The following SEPTIN7 variants were observed in gnomAD, a reference collection of about 807,000 sequenced individuals.
SEPTIN7 encodes the protein septin 7, also known as septin-7.
Under a neutral mutation model 63.3 loss-of-function variants are expected in SEPTIN7, and 10 were observed. The ratio of observed to expected loss-of-function variants is 0.16; its 90% confidence interval spans 0.10 to 0.27. The LOEUF is 0.27. Among genes scored for constraint, SEPTIN7 ranks in the 10% least tolerant of loss-of-function variants. The probability of loss-of-function intolerance (pLI) is 1.00; values close to 1 mark genes in which losing one functional copy is unlikely to be tolerated. For missense variants in SEPTIN7, 310 were observed against 521.0 expected (o/e 0.59, Z 3.94); for synonymous variants, 131 against 165.3 (o/e 0.79, Z 1.59).
intron 1 of SEPTIN7, among the ~76,000 whole-genome samples, chr7:35,811,601 G>A (rs749145155): frequency 1.3e-5 from 2 of 152,122 alleles, no homozygotes; most frequent in South Asian, 4.1e-4. Context: ...TTATTAAGAG[G>A]CGGGCATGGT....
intron 1 of SEPTIN7, among the ~76,000 whole-genome samples, chr7:35,821,977 G>A (rs1199180961): frequency 4.6e-5 from 7 of 152,096 alleles, no homozygotes; most frequent in African/African-American, 1.7e-4. Flanking sequence ...CACTATGTTG[G>A]CAAGGCTGGT....
chr7:35,839,805 G>A (rs541825544), intron 3 of SEPTIN7, among the ~76,000 whole-genome samples: 3 of 152,086 alleles, frequency 2.0e-5, no homozygotes, highest in African/African-American at 7.2e-5. Context: ...CACTTGCCTC[G>A]GCCTCCCAAA....
At chr7:35,868,381 G>C (rs1785943960) in intron 4 of SEPTIN7, among the ~76,000 whole-genome samples, 1 of 152,166 alleles carries the variant, frequency 6.6e-6, no homozygotes, top group Non-Finnish European at 1.5e-5. Flanking sequence ...ATATTTGAAT[G>C]CTTGTCTTAA....
chr7:35,840,320 A>G (rs1310540617), intron 3 of SEPTIN7, among the ~76,000 whole-genome samples: 1 of 147,028 alleles, frequency 6.8e-6, no homozygotes, highest in Non-Finnish European at 1.5e-5. Context: ...GCCCAGTGGT[A>G]TAATCAGAGC....
chr7:35,822,068 C>T (rs1789450745), intron 1 of SEPTIN7, among the ~76,000 whole-genome samples: 1 of 151,912 alleles, frequency 6.6e-6, no homozygotes, highest in South Asian at 2.1e-4. Context: ...AGCCACCACA[C>T]CTGGCCTCAT....
In SEPTIN7 at chr7:35,873,563, C is replaced by T. The variant is rs117768899; in HGVS notation, c.378-78C>T. On this transcript the variant is annotated intron_variant, in intron 5 of 13. Transcript: ENST00000350320. ...AATTCATTTTGCCCATTTGAAAATA[C>T]TGATTATTGTCCTTTAACAGTCATC... The T allele has an allele frequency of 3.7e-4, 517 of 1,392,830 alleles. 5 individuals carry two copies. The East Asian group carries it at 8.9e-3, about 24-fold the overall frequency. The allele number at this position is 1,392,830 out of a possible 1,614,324, so 86.3% of individuals were successfully genotyped here.
At chr7:35,836,590 G>A (rs1312038292) in intron 3 of SEPTIN7, among the ~76,000 whole-genome samples, 1 of 151,854 alleles carries the variant, frequency 6.6e-6, no homozygotes, top group Non-Finnish European at 1.5e-5. Flanking sequence ...TGTTGGTTTG[G>A]CCATTTTTTG....
At chr7:35,881,939 A>G (rs182107455) in intron 7 of SEPTIN7, among the ~76,000 whole-genome samples, 1 of 151,932 alleles carries the variant, frequency 6.6e-6, no homozygotes, top group Non-Finnish European at 1.5e-5. Context: ...GTCCTTCCCT[A>G]ATCTTACACC....
intron 3 of SEPTIN7, among the ~76,000 whole-genome samples, chr7:35,859,180 G>C (rs56287072): frequency 6.6e-6 from 1 of 151,712 alleles, no homozygotes; most frequent in Non-Finnish European, 1.5e-5. Flanking sequence ...TCTGTATTCC[G>C]TAAGTTTCGG....
chr7:35,897,535 T>G (rs1005900155), intron 11 of SEPTIN7, among the ~76,000 whole-genome samples: 7 of 152,294 alleles, frequency 4.6e-5, no homozygotes, highest in Admixed American at 1.3e-4. Flanking sequence ...TAACTATGCT[T>G]ATGTCTATTT....
At chr7:35,801,565 G>T (rs968414884) in intron 1 of SEPTIN7, among the ~76,000 whole-genome samples, 3 of 152,058 alleles carry the variant, frequency 2.0e-5, no homozygotes, top group Admixed American at 6.5e-5. Context: ...GGCCGGAGCA[G>T]CCTGAGCGTG....
At chr7:35,813,159 C>T (rs1788836060) in intron 1 of SEPTIN7, among the ~76,000 whole-genome samples, 1 of 152,030 alleles carries the variant, frequency 6.6e-6, no homozygotes, top group Non-Finnish European at 1.5e-5. Context: ...AGATGTTATC[C>T]CAATCTAAGG....
downstream of SEPTIN7, among the ~76,000 whole-genome samples, chr7:35,908,842 AAACT>A (rs1298199769): frequency 6.6e-6 from 1 of 152,216 alleles, no homozygotes; most frequent in Non-Finnish European, 1.5e-5. Flanking sequence ...TGGGGATACC[AAACT>A]AACTTGTTCT....
chr7:35,881,847 A>C (rs1262428691), intron 7 of SEPTIN7, among the ~76,000 whole-genome samples: 1 of 151,984 alleles, frequency 6.6e-6, no homozygotes, highest in African/African-American at 2.4e-5. Flanking sequence ...TGATGTTAAT[A>C]ATAAGTTGTC....
intron 10 of SEPTIN7, among the ~76,000 whole-genome samples, chr7:35,889,464 G>T (rs1439773890): frequency 6.6e-6 from 1 of 152,330 alleles, no homozygotes; most frequent in South Asian, 2.1e-4. Context: ...GTTCCCAAAG[G>T]GGGAGATTCA....
In SEPTIN7 at chr7:35,904,329, C is replaced by T; in HGVS notation, c.*36C>T. The T allele has an allele frequency of 6.6e-7, 1 of 1,509,066 alleles. No individual in the cohort carries two copies. The highest frequency in any genetic ancestry group is 8.9e-7 in the Non-Finnish European group (1 of 1,119,336). The allele number at this position is 1,509,066 out of a possible 1,614,324, so 93.5% of individuals were successfully genotyped here. ...GACCACCAGTTAACGTATTAGTTGC[C>T]AATATGCCAGCTTGGACATCAGTGT... is the stretch of plus-strand genomic sequence containing the variant. On this transcript the variant is annotated 3_prime_UTR_variant, in exon 14 of 14. Transcript: ENST00000350320.
intron 3 of SEPTIN7, among the ~76,000 whole-genome samples, chr7:35,849,769 A>G (rs1784872397): frequency 6.6e-6 from 1 of 152,120 alleles, no homozygotes. Context: ...ACACAAAACT[A>G]CTTTTATTAA....
chr7:35,828,685 G>A (rs116084554), intron 1 of SEPTIN7, among the ~76,000 whole-genome samples: 240 of 152,120 alleles, frequency 1.6e-3, no homozygotes, highest in African/African-American at 5.6e-3. Context: ...CCGACCTCCT[G>A]TTTATCTATA....
intron 13 of SEPTIN7, 121 bp from the exon 14 acceptor site, chr7:35,904,133 G>T: frequency 1.7e-6 from 1 of 592,254 alleles, no homozygotes. Context: ...ATTTTTTTCA[G>T]TGAAAAAGTA....
Sources: gnomAD v4.1 joint callset for allele counts (sites outside exome capture counted in the v4.1 genomes callset) on GRCh38, gnomAD v4.1.1 for gene constraint, MANE v1.5 for transcripts, NCBI Gene and HGNC (gene_info 2026-07-23, HGNC 2026-07-21) for gene names.